WDR1: variants seen among roughly 807,000 people sequenced by gnomAD.
WDR1 encodes WD repeat domain 1.
A neutral mutation model predicts 71.9 loss-of-function variants in WDR1; 21 were observed. That is an observed-to-expected ratio of 0.29 (90% CI 0.21 to 0.42). WDR1 has a LOEUF of 0.42. Among genes scored for constraint, WDR1 ranks in the 10% least tolerant of loss-of-function variants. The probability of loss-of-function intolerance (pLI) is 1.00; values close to 1 mark genes in which losing one functional copy is unlikely to be tolerated. For missense variants in WDR1, 696 were observed against 824.5 expected, an observed-to-expected ratio of 0.84 and a Z score of 1.91; for synonymous variants, 424 against 347.4, an observed-to-expected ratio of 1.22 and a Z score of -2.45.
At chr4:10,094,629 C>T (rs1203330371) in intron 5 of WDR1, 2 of 152,200 alleles carry the variant, frequency 1.3e-5, no homozygotes, top group Non-Finnish European at 2.9e-5. Flanking sequence ...CCCAGGGTCT[C>T]CTTTCAGAAC....
rs1363429379 is a variant in WDR1, at chr4:10,077,313, T to G, written c.1705A>C (p.Lys569Gln). ...WTLSDPETRV[K>Q]IQDAHRLHHV... ...TGGGGGCGGAAGTCACCTTGGATCT[T>G]GACTCTGGTTTCCGGGTCACTCAGG... The change falls in exon 14 of 15, where the codon AAG (lysine) becomes CAG (glutamine). Residue 569 changes from lysine to glutamine, a missense_variant. Coordinates refer to ENST00000499869, the MANE Select transcript of WDR1 (RefSeq NM_017491.5). The G allele has an allele frequency of 6.2e-7, 1 of 1,613,976 alleles. No homozygotes were observed. The highest frequency in any genetic ancestry group is 1.1e-5 in the South Asian group (1 of 91,076).
In WDR1 at chr4:10,081,459, G is replaced by A. The variant is rs933767031; in HGVS notation, c.1197-15C>T. The stretch of plus-strand genomic sequence containing the variant: ...CTCCTTGTCCGCTGTTAGAGAGAAA[G>A]GAAGCACATTACTTCGACAATGCAG... On this transcript the variant is annotated splice_polypyrimidine_tract_variant and intron_variant, in intron 10 of 14. Coordinates refer to ENST00000499869, the MANE Select transcript of WDR1 (RefSeq NM_017491.5). 6.2e-6 allele frequency: 10 copies of A among 1,612,984 alleles called. No homozygotes were observed. The highest frequency in any genetic ancestry group is 8.5e-6 in the Non-Finnish European group (10 of 1,179,182).
intron 5 of WDR1, among the ~76,000 whole-genome samples, chr4:10,090,795 C>T (rs1711923411): frequency 6.6e-6 from 1 of 152,242 alleles, no homozygotes; most frequent in Non-Finnish European, 1.5e-5. Context: ...CAGTGCTCCT[C>T]GGGAGCTACT....
Position 10,116,596 on chromosome 4 carries a change from ACCGGGG to A in WDR1, c.16+49_16+54del, listed in dbSNP as rs1001088610. 2.0e-5 allele frequency: 23 copies of A among 1,153,232 alleles called. 1 individual carries two copies. The highest frequency in any genetic ancestry group is 2.5e-5 in the Non-Finnish European group (23 of 935,532). 71.4% of individuals were successfully genotyped at this position (1,153,232 alleles called of 1,614,324 possible). The stretch of plus-strand genomic sequence containing the variant: ...CCCGCACGGCGCCTAGGGGCCGGGG[ACCGGGG>A]CCGGGGCAGCGCGGCGGCCGCTCGG... On this transcript the variant is annotated intron_variant, in intron 1 of 14. Coordinates refer to ENST00000499869, the MANE Select transcript of WDR1 (RefSeq NM_017491.5).
intron 8 of WDR1, among the ~76,000 whole-genome samples, chr4:10,087,355 G>A (rs1327025182): frequency 1.3e-5 from 2 of 152,350 alleles, no homozygotes; most frequent in East Asian, 1.9e-4. Context: ...CTGCAGTCGG[G>A]TAAAGCACAG....
In WDR1 at chr4:10,086,986, G is replaced by A. The variant is rs140938333; in HGVS notation, c.951+721C>T. Among the ~76,000 whole-genome samples the A allele has an allele frequency of 3.7e-3, 557 of 151,990 alleles. 4 individuals carry two copies. The highest frequency in any genetic ancestry group is 4.7e-3 in the Non-Finnish European group (318 of 67,908). On this transcript the variant is annotated intron_variant, in intron 8 of 14. Coordinates refer to ENST00000499869, the MANE Select transcript of WDR1 (RefSeq NM_017491.5). ...CGAGATTCCCAGAGGCGTCAACTTG[G>A]CTGGTGTGGGTGGAGGGAGAAGGCA...
intron 5 of WDR1, among the ~76,000 whole-genome samples, chr4:10,090,789 G>A (rs955145606): frequency 5.9e-5 from 9 of 152,232 alleles, no homozygotes; most frequent in Admixed American, 2.6e-4. Flanking sequence ...GAGTCCCAGT[G>A]CTCCTCGGGA....
intron 2 of WDR1, among the ~76,000 whole-genome samples, chr4:10,107,680 G>A (rs1410506910): frequency 6.6e-6 from 1 of 152,186 alleles, no homozygotes; most frequent in East Asian, 1.9e-4. Context: ...GGCCAGAGCT[G>A]GGGCTGGGAT....
intron 8 of WDR1, 118 bp downstream of exon 8, chr4:10,087,589 C>A: frequency 1.0e-6 from 1 of 983,312 alleles, no homozygotes; most frequent in Admixed American, 2.8e-5. Flanking sequence ...GCCAAGGAGG[C>A]CTGAGGACAC....
At chr4:10,099,163 A>AAGGGGGGGGG in intron 3 of WDR1, 24 bp from the exon 4 acceptor site, 1 of 180,490 alleles carries the variant, frequency 5.5e-6, no homozygotes, top group East Asian at 1.4e-4. Context: ...CGGGCGGGGG[A>AAGGGGGGGGG]GGGGGGGAGG....
At chr4:10,088,542 T>C in intron 6 of WDR1, 122 bp downstream of exon 6, 2 of 1,125,540 alleles carry the variant, frequency 1.8e-6, no homozygotes, top group Non-Finnish European at 1.3e-6. Context: ...TCTGCAGATG[T>C]GGGGAGGGCG....
intron 7 of WDR1, 143 bp downstream of exon 7, chr4:10,088,150 C>T (rs1711706300): frequency 1.1e-6 from 1 of 940,660 alleles, no homozygotes; most frequent in Non-Finnish European, 1.7e-6. Flanking sequence ...GACCTTAAAG[C>T]TTTTCTGGGC....
intron 5 of WDR1, among the ~76,000 whole-genome samples, chr4:10,094,064 A>T (rs528404147): frequency 2.6e-5 from 4 of 152,318 alleles, no homozygotes; most frequent in African/African-American, 9.6e-5. Context: ...GAACAGAGGG[A>T]GCAGTGGCAC....
At chr4:10,078,773 T>A in intron 12 of WDR1, 118 bp downstream of exon 12, 4 of 821,910 alleles carry the variant, frequency 4.9e-6, no homozygotes, top group African/African-American at 3.5e-5. Context: ...ACTGCCCCCA[T>A]CCTTCCCCTG....
At chr4:10,112,577 A>AT in intron 2 of WDR1, among the ~76,000 whole-genome samples, 1 of 152,308 alleles carries the variant, frequency 6.6e-6, no homozygotes, top group South Asian at 2.1e-4. Flanking sequence ...GGTTCACAAA[A>AT]CAGCTTTTAA....
chr4:10,092,903 C>G (rs189723837), intron 5 of WDR1: 1 of 485,298 alleles, frequency 2.1e-6, no homozygotes, highest in African/African-American at 2.0e-5. Context: ...CAGCCTCATC[C>G]CTGGTGGACA....
At chr4:10,116,556 A>C in intron 1 of WDR1, 95 bp downstream of exon 1, 1 of 972,736 alleles carries the variant, frequency 1.0e-6, no homozygotes, top group South Asian at 4.8e-5. Flanking sequence ...CCCCGCGCCG[A>C]GGACTCCCCC....
At chr4:10,106,285 T>G (rs143362913) in intron 2 of WDR1, 4 of 152,230 alleles carry the variant, frequency 2.6e-5, no homozygotes, top group Non-Finnish European at 5.9e-5. Context: ...GGCTATTTAT[T>G]AAATGTCTGC....
intron 3 of WDR1, among the ~76,000 whole-genome samples, chr4:10,100,834 T>G (rs1712639778): frequency 6.6e-6 from 1 of 152,224 alleles, no homozygotes; most frequent in Admixed American, 6.5e-5. Flanking sequence ...GCACTGTGTG[T>G]GCAGGAAGGA....
Sources: allele counts gnomAD v4.1 joint callset (sites outside exome capture counted in the v4.1 genomes callset), GRCh38; gene constraint gnomAD v4.1.1; transcripts MANE v1.5; gene names NCBI Gene and HGNC (gene_info 2026-07-23, HGNC 2026-07-21).